NOL4L: variants seen among roughly 807,000 people sequenced by gnomAD.
NOL4L encodes the protein nucleolar protein 4 like, also known as nucleolar protein 4-like.
NOL4L carries 7 observed loss-of-function variants against 64.5 expected under a neutral mutation model. The observed-to-expected ratio is 0.11, with a 90% confidence interval of 0.06 to 0.20. NOL4L has a LOEUF of 0.20. Among genes scored for constraint, NOL4L ranks in the 10% least tolerant of loss-of-function variants. NOL4L has a pLI of 1.00. For synonymous variants in NOL4L, 413 were observed against 401.0 expected, an observed-to-expected ratio of 1.03 and a Z score of -0.36; for missense variants, 680 against 967.1, an observed-to-expected ratio of 0.70 and a Z score of 3.94.
At chr20:32,497,056 C>CA (rs11167170) in intron 4 of NOL4L, among the ~76,000 whole-genome samples, 29,342 of 76,608 alleles carry the variant, frequency 0.38, 5,780 homozygotes, top group East Asian at 0.78. Flanking sequence ...CTCCTACCCT[C>CA]AAAAAAAAAA....
intron 3 of NOL4L, among the ~76,000 whole-genome samples, chr20:32,516,754 G>A (rs2017683511): frequency 6.6e-6 from 1 of 152,170 alleles, no homozygotes; most frequent in South Asian, 2.1e-4. Flanking sequence ...GGCAAGGAGG[G>A]ATGTGGAGGG....
intron 1 of NOL4L, among the ~76,000 whole-genome samples, chr20:32,529,643 G>T (rs916017967): frequency 6.6e-6 from 1 of 152,198 alleles, no homozygotes; most frequent in Non-Finnish European, 1.5e-5. Flanking sequence ...GGGGGCAAAG[G>T]GCATCTGGGA....
At chr20:32,507,805 C>A (rs549307952) in intron 4 of NOL4L, among the ~76,000 whole-genome samples, 1 of 151,992 alleles carries the variant, frequency 6.6e-6, no homozygotes, top group East Asian at 1.9e-4. Flanking sequence ...GTCAGGAGTT[C>A]GAGATCAGCC....
At chr20:32,566,110 C>T (rs1979413500) in intron 1 of NOL4L, among the ~76,000 whole-genome samples, 2 of 152,168 alleles carry the variant, frequency 1.3e-5, no homozygotes, top group Admixed American at 6.5e-5. Context: ...TCAGGCTGGG[C>T]ACTTACACAC....
rs1167969757 is a variant in NOL4L, at chr20:32,476,198, GAC to G, written c.700-1458_700-1457del. ...GAAAACTCGCTCACACACCCGGAGG[GAC>G]ACACACACACACACACACACACACA... On this transcript the variant is annotated intron_variant, in intron 4 of 10. Coordinates refer to ENST00000621426, the MANE Select transcript of NOL4L (RefSeq NM_001256798.2). Among the ~76,000 whole-genome samples the G allele has an allele frequency of 9.9e-3, 1,392 of 141,036 alleles. 13 individuals carry two copies. Among genetic ancestry groups the G allele is most frequent in the African/African-American group, 0.021 (804 of 37,586 alleles). 92.5% of individuals were successfully genotyped at this position (141,036 alleles called of 152,430 possible).
chr20:32,447,538 A>G lies in NOL4L; in HGVS notation c.*58T>C, dbSNP rs2012402624. 1 of 1,520,028 alleles carries G rather than the reference A, an allele frequency of 6.6e-7. No homozygotes were observed. Among genetic ancestry groups the G allele is most frequent in the Admixed American group, 2.1e-5 (1 of 47,150 alleles). 94.2% of individuals were successfully genotyped at this position (1,520,028 alleles called of 1,614,324 possible). On this transcript the variant is annotated 3_prime_UTR_variant, in exon 11 of 11. Coordinates refer to ENST00000621426, the MANE Select transcript of NOL4L (RefSeq NM_001256798.2). ...GTACCAACTGGTGAGGCAGGAAGCCAGGTCCAGGCTGGGACAGCCTCCTTC... is the reference window on the plus strand; with the variant it reads ...GTACCAACTGGTGAGGCAGGAAGCCGGGTCCAGGCTGGGACAGCCTCCTTC...
At chr20:32,516,422 G>C (rs1163726417) in intron 3 of NOL4L, among the ~76,000 whole-genome samples, 2 of 152,192 alleles carry the variant, frequency 1.3e-5, no homozygotes, top group African/African-American at 2.4e-5. Context: ...AGGAAACAAG[G>C]GTGAAGGATG....
At chr20:32,582,419 T>G (rs1980537359) in intron 1 of NOL4L, among the ~76,000 whole-genome samples, 2 of 152,066 alleles carry the variant, frequency 1.3e-5, no homozygotes, top group South Asian at 4.2e-4. Context: ...CGGCAGGACC[T>G]GGGGTCCAGG....
At chr20:32,521,312 A>G (rs781162755) in intron 2 of NOL4L, among the ~76,000 whole-genome samples, 14 of 152,196 alleles carry the variant, frequency 9.2e-5, no homozygotes, top group Non-Finnish European at 1.6e-4. Flanking sequence ...ACTGAGACCC[A>G]CAGATAAATT....
intron 4 of NOL4L, among the ~76,000 whole-genome samples, chr20:32,483,961 G>C (rs974777502): frequency 5.3e-5 from 8 of 151,700 alleles, no homozygotes; most frequent in Non-Finnish European, 7.4e-5. Context: ...ATCCTTGCAC[G>C]GGGCTGAGCC....
chr20:32,531,954 C>T (rs923198860), intron 1 of NOL4L, among the ~76,000 whole-genome samples: 12 of 152,144 alleles, frequency 7.9e-5, no homozygotes, highest in African/African-American at 2.7e-4. Flanking sequence ...TATGCTAAGG[C>T]TCCCACAAAC....
intron 4 of NOL4L, among the ~76,000 whole-genome samples, chr20:32,505,607 A>T (rs2017108053): frequency 6.6e-6 from 1 of 152,150 alleles, no homozygotes; most frequent in Non-Finnish European, 1.5e-5. Context: ...GTGGTCTCAG[A>T]TACTCAGGAG....
chr20:32,560,233 C>T (rs1289100403), intron 1 of NOL4L, among the ~76,000 whole-genome samples: 1 of 152,230 alleles, frequency 6.6e-6, no homozygotes, highest in Non-Finnish European at 1.5e-5. Flanking sequence ...ATTCTGAGTA[C>T]TGAGTGTGGC....
intron 5 of NOL4L, among the ~76,000 whole-genome samples, chr20:32,456,821 G>A (rs568332079): frequency 1.1e-4 from 17 of 152,288 alleles, no homozygotes; most frequent in Admixed American, 4.6e-4. Flanking sequence ...CCTGCTGCCG[G>A]GCACTGCCTT....
intron 1 of NOL4L, among the ~76,000 whole-genome samples, chr20:32,547,915 CTGCCCACAACTGGG>C (rs762881734): frequency 2.4e-4 from 37 of 152,284 alleles, no homozygotes; most frequent in South Asian, 6.2e-4. Context: ...ACTGTCCCCT[CTGCCCACAACTGGG>C]TGCCCACAAC....
chr20:32,476,022 G>T (rs115062042), intron 4 of NOL4L, among the ~76,000 whole-genome samples: 3,089 of 152,128 alleles, frequency 0.02, 74 homozygotes, highest in African/African-American at 0.057. Context: ...TAGTCCCCAC[G>T]CGGCACACCC....
chr20:32,465,886 T>C (rs1364299549), intron 5 of NOL4L, among the ~76,000 whole-genome samples: 1 of 151,982 alleles, frequency 6.6e-6, no homozygotes. Flanking sequence ...AGGATGGAGC[T>C]CTGTATGTGT....
chr20:32,554,320 C>T (rs1399498462), intron 1 of NOL4L, among the ~76,000 whole-genome samples: 1 of 64,058 alleles, frequency 1.6e-5, no homozygotes, highest in East Asian at 5.0e-4. Context: ...GACTCTGCCT[C>T]AAAAAAAAAA....
Position 32,447,955 on chromosome 20 carries a change from T to G in NOL4L, c.1823-139A>C. On this transcript the variant is annotated intron_variant, in intron 10 of 10. Coordinates refer to ENST00000621426, the MANE Select transcript of NOL4L (RefSeq NM_001256798.2). ...CACTGAAGTCCGTGGCTCTGGTCCA[T>G]CTCCCTGATGGCTCTATCCCTAGTG... 6 of 1,144,506 alleles carry G rather than the reference T, an allele frequency of 5.2e-6. No homozygotes were observed. The Admixed American group carries it at 1.3e-4, about 25-fold the overall frequency. 70.9% of individuals were successfully genotyped at this position (1,144,506 alleles called of 1,614,324 possible). A position where few individuals can be genotyped will look rare whatever the true frequency, so the allele number is the denominator to read the frequency against.
Sources: allele counts gnomAD v4.1 joint callset (sites outside exome capture counted in the v4.1 genomes callset), GRCh38; gene constraint gnomAD v4.1.1; transcripts MANE v1.5; gene names NCBI Gene and HGNC (gene_info 2026-07-23, HGNC 2026-07-21).